The following GPC6 variants were observed in gnomAD, a reference collection of about 807,000 sequenced individuals.
GPC6 encodes the protein glypican-6.
GPC6 carries 14 observed loss-of-function variants against 55.2 expected under a neutral mutation model. The ratio of observed to expected loss-of-function variants is 0.25; its 90% CI spans 0.17 to 0.40. The LOEUF (loss-of-function observed/expected upper bound fraction) is 0.40. Ranked by LOEUF, GPC6 falls within the 10% of genes least tolerant of loss-of-function variation. The pLI, the probability that GPC6 is intolerant of heterozygous loss-of-function variation, is 1.00. For missense variants in GPC6, 641 were observed against 708.5 expected, an observed-to-expected ratio of 0.90 and a Z score of 1.08; for synonymous variants, 278 against 259.6, an observed-to-expected ratio of 1.07 and a Z score of -0.68.
intron 1 of GPC6, among the ~76,000 whole-genome samples, chr13:93,347,272 A>G (rs1880462437): frequency 6.6e-6 from 1 of 152,242 alleles, no homozygotes; most frequent in African/African-American, 2.4e-5. Context: ...TATTTCTGCT[A>G]ACATGACTGG....
chr13:93,722,029 T>G (rs1482455570), intron 2 of GPC6, among the ~76,000 whole-genome samples: 1 of 151,850 alleles, frequency 6.6e-6, no homozygotes, highest in Non-Finnish European at 1.5e-5. Flanking sequence ...CTTGGAATTT[T>G]TGACAATATA....
chr13:94,027,884 T>C lies in GPC6; in HGVS notation c.867T>C (p.Asn289=). The C allele has an allele frequency of 6.2e-7, 1 of 1,613,896 alleles. No homozygotes were observed. The highest frequency in any genetic ancestry group is 1.7e-5 in the Admixed American group (1 of 60,000). The part of the protein sequence containing the change: ...ANQADLDTEW[N]LFIDAMLLVA... Reference sequence around the variant, plus strand: ...AGGCTGACCTCGACACAGAGTGGAATCTGTTTATAGGTAAGAAGTGTTTAA... The same window carrying C: ...AGGCTGACCTCGACACAGAGTGGAACCTGTTTATAGGTAAGAAGTGTTTAA... The change falls in exon 4 of 9, where the codon AAT becomes AAC. Residue 289 remains asparagine (N), a synonymous_variant. Transcript: ENST00000377047.
intron 1 of GPC6, among the ~76,000 whole-genome samples, chr13:93,298,408 C>A (rs1386356472): frequency 6.6e-6 from 1 of 152,050 alleles, no homozygotes; most frequent in Non-Finnish European, 1.5e-5. Flanking sequence ...GTCCTTCTAG[C>A]AGGCAGGCAC....
chr13:94,197,619 T>C (rs1406002763), intron 4 of GPC6, among the ~76,000 whole-genome samples: 2 of 152,176 alleles, frequency 1.3e-5, no homozygotes, highest in South Asian at 2.1e-4. Flanking sequence ...CTCATATAAC[T>C]TTAATTGCCT....
At chr13:93,895,442 G>C (rs1245047796) in intron 3 of GPC6, among the ~76,000 whole-genome samples, 1 of 151,346 alleles carries the variant, frequency 6.6e-6, no homozygotes, top group African/African-American at 2.4e-5. Context: ...TATCAATGTG[G>C]TTAGACTAAA....
Position 93,716,519 on chromosome 13 carries a change from A to C in GPC6, c.320-113635A>C, listed in dbSNP as rs181753118. On this transcript the variant is annotated intron_variant, in intron 2 of 8. Coordinates refer to ENST00000377047, the MANE Select transcript of GPC6 (RefSeq NM_005708.5). Reference sequence around the variant, plus strand: ...AAATTAAAATGTAAAAAAAAAGGAAATAGAAAAAAGGATATAGAGTTGGGA... The same window carrying C: ...AAATTAAAATGTAAAAAAAAAGGAACTAGAAAAAAGGATATAGAGTTGGGA... 1.5e-4 allele frequency among the ~76,000 whole-genome samples: 23 copies of C among 151,782 alleles called. No homozygotes were observed. In the East Asian group the frequency reaches 4.3e-3, roughly 28 times the overall value.
chr13:93,593,203 A>C (rs1000688693), intron 2 of GPC6, among the ~76,000 whole-genome samples: 3 of 152,116 alleles, frequency 2.0e-5, no homozygotes, highest in African/African-American at 7.2e-5. Flanking sequence ...TTTGGTGGCA[A>C]ATTTGATTAT....
At chr13:93,336,511 T>A (rs1880050401) in intron 1 of GPC6, among the ~76,000 whole-genome samples, 2 of 152,206 alleles carry the variant, frequency 1.3e-5, no homozygotes, top group African/African-American at 4.8e-5. Context: ...GGCAGGGTGC[T>A]TTTATCCATT....
intron 1 of GPC6, among the ~76,000 whole-genome samples, chr13:93,462,881 C>T (rs1406765319): frequency 6.6e-6 from 1 of 152,108 alleles, no homozygotes; most frequent in Non-Finnish European, 1.5e-5. Context: ...CCTTCCTTTT[C>T]CCGTGCCCTG....
intron 3 of GPC6, among the ~76,000 whole-genome samples, chr13:93,886,098 A>G (rs1340545421): frequency 6.6e-6 from 1 of 152,144 alleles, no homozygotes; most frequent in African/African-American, 2.4e-5. Context: ...GAATTTAAGT[A>G]TAAAAATTAT....
At chr13:94,301,290 G>T (rs775617015) in intron 5 of GPC6, among the ~76,000 whole-genome samples, 3 of 152,122 alleles carry the variant, frequency 2.0e-5, no homozygotes, top group African/African-American at 7.2e-5. Flanking sequence ...CCAGCTACTC[G>T]GGAGGCTGAG....
intron 4 of GPC6, among the ~76,000 whole-genome samples, chr13:94,214,429 AT>A (rs1890169916): frequency 6.6e-6 from 1 of 152,196 alleles, no homozygotes; most frequent in Non-Finnish European, 1.5e-5. Context: ...AACAAATTGA[AT>A]TTTTTATTAG....
chr13:93,829,906 G>A (rs983446118), intron 2 of GPC6, among the ~76,000 whole-genome samples: 1 of 152,120 alleles, frequency 6.6e-6, no homozygotes, highest in African/African-American at 2.4e-5. Context: ...CTATTTTGGA[G>A]GAGGATTACA....
chr13:93,623,116 T>G (rs182485893), intron 2 of GPC6, among the ~76,000 whole-genome samples: 1 of 152,336 alleles, frequency 6.6e-6, no homozygotes, highest in Admixed American at 6.5e-5. Context: ...ATGAGTAGTA[T>G]TCCATTGTGT....
intron 1 of GPC6, among the ~76,000 whole-genome samples, chr13:93,372,337 A>T (rs757188510): frequency 6.6e-6 from 1 of 152,044 alleles, no homozygotes; most frequent in Non-Finnish European, 1.5e-5. Context: ...GCTGTTACAA[A>T]CCAGTCTCTC....
At chr13:93,453,247 C>T (rs1315446893) in intron 1 of GPC6, among the ~76,000 whole-genome samples, 1 of 152,168 alleles carries the variant, frequency 6.6e-6, no homozygotes, top group Non-Finnish European at 1.5e-5. Context: ...TAAAATCCTT[C>T]CTCTTCCCCC....
At chr13:93,817,926 C>A (rs953585617) in intron 2 of GPC6, among the ~76,000 whole-genome samples, 1 of 146,842 alleles carries the variant, frequency 6.8e-6, no homozygotes, top group Admixed American at 6.9e-5. Flanking sequence ...CCTATAATAT[C>A]TATTATAGAT....
At chr13:94,254,866 C>A (rs1330623639) in intron 4 of GPC6, among the ~76,000 whole-genome samples, 1 of 152,138 alleles carries the variant, frequency 6.6e-6, no homozygotes, top group Non-Finnish European at 1.5e-5. Context: ...GTCTCCTCAT[C>A]TGCAACATAA....
chr13:93,315,985 C>T (rs1879234490), intron 1 of GPC6, among the ~76,000 whole-genome samples: 1 of 152,000 alleles, frequency 6.6e-6, no homozygotes, highest in Admixed American at 6.6e-5. Context: ...TTTGTTCATG[C>T]TCAAAGCAGT....
Sources: gnomAD v4.1 joint callset for allele counts (sites outside exome capture counted in the v4.1 genomes callset) on GRCh38, gnomAD v4.1.1 for gene constraint, MANE v1.5 for transcripts, NCBI Gene and HGNC (gene_info 2026-07-23, HGNC 2026-07-21) for gene names.